RIPOR2: variants seen among roughly 807,000 people sequenced by gnomAD.
RIPOR2 encodes rho family-interacting cell polarization regulator 2.
RIPOR2 carries 39 observed loss-of-function variants against 114.5 expected under a neutral mutation model. That is an observed-to-expected ratio of 0.34 (90% CI 0.26 to 0.44). The LOEUF (loss-of-function observed/expected upper bound fraction) is 0.44. RIPOR2 is among the 20% of genes least tolerant of loss of function. The probability of loss-of-function intolerance (pLI) is 1.00; values close to 1 mark genes in which losing one functional copy is unlikely to be tolerated. For missense variants in RIPOR2, 1,007 were observed against 1,255.1 expected (o/e 0.80, Z 2.99); for synonymous variants, 445 against 484.4 (o/e 0.92, Z 1.07).
chr6:24,990,024 CA>C (rs1303761611), intron 1 of RIPOR2, among the ~76,000 whole-genome samples: 3 of 149,954 alleles, frequency 2.0e-5, no homozygotes, highest in African/African-American at 7.4e-5. Context: ...GCATGAGTCT[CA>C]AAAAATAAAA....
chr6:24,808,065 G>A (rs1409608331), intron 21 of RIPOR2, among the ~76,000 whole-genome samples: 1 of 152,208 alleles, frequency 6.6e-6, no homozygotes, highest in Non-Finnish European at 1.5e-5. Flanking sequence ...AATGAAAGCA[G>A]AATCTTTGGG....
At chr6:24,896,811 A>G (rs535993768) in intron 1 of RIPOR2, among the ~76,000 whole-genome samples, 1 of 152,258 alleles carries the variant, frequency 6.6e-6, no homozygotes, top group African/African-American at 2.4e-5. Flanking sequence ...GCTGAGGCAC[A>G]AGAATCACTT....
intron 6 of RIPOR2, 100 bp from the exon 7 acceptor site, chr6:24,865,550 T>G: frequency 1.0e-6 from 1 of 987,256 alleles, no homozygotes; most frequent in Non-Finnish European, 1.4e-6. Context: ...TTCTGACCTC[T>G]ACAAAGAGAA....
At chr6:25,018,498 G>A (rs1252634711) in intron 1 of RIPOR2, among the ~76,000 whole-genome samples, 1 of 151,742 alleles carries the variant, frequency 6.6e-6, no homozygotes, top group African/African-American at 2.4e-5. Context: ...TATATAGAAC[G>A]CTCCTTAACC....
In RIPOR2 at chr6:24,843,571, C is replaced by A. The variant is rs1330310187; in HGVS notation, c.1165-17G>T. Reference sequence around the variant, plus strand: ...TAGATTTGACTATAGATAAAAGATACCTCATTATTATTTTCAATACAAATG... The same window carrying A: ...TAGATTTGACTATAGATAAAAGATAACTCATTATTATTTTCAATACAAATG... On this transcript the variant is annotated splice_polypyrimidine_tract_variant and intron_variant, in intron 12 of 21. Coordinates refer to ENST00000643898, the MANE Select transcript of RIPOR2 (RefSeq NM_001286445.3). The A allele has an allele frequency of 2.8e-6, 4 of 1,453,186 alleles. No individual in the cohort carries two copies. The highest frequency in any genetic ancestry group is 2.8e-5 in the African/African-American group (2 of 70,232). The allele number at this position is 1,453,186 out of a possible 1,614,324, so 90.0% of individuals were successfully genotyped here.
At chr6:25,025,609 T>C (rs1441431448) in intron 1 of RIPOR2, among the ~76,000 whole-genome samples, 1 of 152,240 alleles carries the variant, frequency 6.6e-6, no homozygotes, top group Non-Finnish European at 1.5e-5. Flanking sequence ...AAAATTTAAT[T>C]GTTTTTAGAA....
chr6:24,946,670 G>GC (rs544256381), intron 1 of RIPOR2, among the ~76,000 whole-genome samples: 323 of 152,334 alleles, frequency 2.1e-3, no homozygotes, highest in Admixed American at 4.1e-3. Context: ...GGCAGGGACT[G>GC]GGATCAGGGG....
chr6:24,946,527 C>T (rs1368541193), intron 1 of RIPOR2, among the ~76,000 whole-genome samples: 5 of 151,900 alleles, frequency 3.3e-5, no homozygotes, highest in African/African-American at 9.7e-5. Context: ...GAGCTAAGAT[C>T]GCACCACTGC....
intron 1 of RIPOR2, among the ~76,000 whole-genome samples, chr6:25,021,607 G>A (rs534787610): frequency 6.6e-6 from 1 of 152,282 alleles, no homozygotes; most frequent in African/African-American, 2.4e-5. Flanking sequence ...AAAGGCATAA[G>A]AAAGACACAA....
At chr6:24,996,305 A>G (rs1283370311) in intron 1 of RIPOR2, among the ~76,000 whole-genome samples, 1 of 152,222 alleles carries the variant, frequency 6.6e-6, no homozygotes, top group African/African-American at 2.4e-5. Context: ...GATCAAAAAA[A>G]TTAGAAAAAG....
chr6:25,009,761 T>G (rs1289472229), intron 1 of RIPOR2, among the ~76,000 whole-genome samples: 1 of 152,178 alleles, frequency 6.6e-6, no homozygotes, highest in Non-Finnish European at 1.5e-5. Context: ...ATTCCAGAAA[T>G]TCTTTATGAT....
intron 1 of RIPOR2, among the ~76,000 whole-genome samples, chr6:25,024,950 C>G: frequency 6.6e-6 from 1 of 152,144 alleles, no homozygotes; most frequent in East Asian, 1.9e-4. Flanking sequence ...ATTGAAGTTG[C>G]CATCCTTTCA....
intron 19 of RIPOR2, among the ~76,000 whole-genome samples, chr6:24,824,181 C>CTTT (rs1759951368): frequency 3.9e-5 from 6 of 152,318 alleles, no homozygotes; most frequent in Non-Finnish European, 7.3e-5. Flanking sequence ...CCAGCATGTT[C>CTTT]ACGATTCTTT....
chr6:24,955,689 C>G, intron 1 of RIPOR2, among the ~76,000 whole-genome samples: 1 of 128,954 alleles, frequency 7.8e-6, no homozygotes. Context: ...AAGGTCCATG[C>G]TGCTCCTTCA....
chr6:25,010,123 A>G (rs1775718034), intron 1 of RIPOR2, among the ~76,000 whole-genome samples: 1 of 152,174 alleles, frequency 6.6e-6, no homozygotes, highest in Middle Eastern at 3.2e-3. Flanking sequence ...CTATAGTTTG[A>G]ATGTTTGTCC....
chr6:24,854,286 T>C (rs1044395433), intron 8 of RIPOR2, among the ~76,000 whole-genome samples: 3 of 152,220 alleles, frequency 2.0e-5, no homozygotes, highest in African/African-American at 7.2e-5. Context: ...TCTTATTTAA[T>C]GTAGAATAGT....
At chr6:24,934,977 G>A (rs1197015722) in intron 1 of RIPOR2, among the ~76,000 whole-genome samples, 1 of 152,140 alleles carries the variant, frequency 6.6e-6, no homozygotes, top group African/African-American at 2.4e-5. Flanking sequence ...AGGGAATGGA[G>A]GGTTGGAGTG....
intron 1 of RIPOR2, among the ~76,000 whole-genome samples, chr6:24,902,360 A>G (rs951824322): frequency 6.6e-6 from 1 of 151,666 alleles, no homozygotes; most frequent in Non-Finnish European, 1.5e-5. Context: ...GATTACAGGC[A>G]CCCGCCACCA....
In RIPOR2 at chr6:24,840,992, G is replaced by A. The variant is rs57653675; in HGVS notation, c.1858-1720C>T. ...GCACAATTTTATCTTGTACAGTACA[G>A]ATGTGTTTAAATATTGGTCATGACA... On this transcript the variant is annotated intron_variant, in intron 13 of 21. Coordinates refer to ENST00000643898, the MANE Select transcript of RIPOR2 (RefSeq NM_001286445.3). Among the ~76,000 whole-genome samples the A allele has an allele frequency of 0.02, 3,023 of 152,282 alleles. 107 individuals carry two copies. The highest frequency in any genetic ancestry group is 0.066 in the African/African-American group (2,757 of 41,566).
Sources: allele counts gnomAD v4.1 joint callset (sites outside exome capture counted in the v4.1 genomes callset), GRCh38; gene constraint gnomAD v4.1.1; transcripts MANE v1.5; gene names NCBI Gene and HGNC (gene_info 2026-07-23, HGNC 2026-07-21).